The following AGBL4 variants were observed in gnomAD, a reference collection of about 807,000 sequenced individuals.
AGBL4 encodes the protein cytosolic carboxypeptidase 6.
AGBL4 carries 58 observed loss-of-function variants against 66.4 expected under a neutral mutation model. The ratio of observed to expected loss-of-function variants is 0.87; its 90% CI spans 0.71 to 1.09. AGBL4 has a LOEUF of 1.09. Ranked by LOEUF, AGBL4 falls within the 50% of genes least tolerant of loss-of-function variation. AGBL4 has a pLI of 0.00. For synonymous variants in AGBL4, 234 were observed against 222.9 expected (o/e 1.05, Z -0.44); for missense variants, 579 against 631.0 (o/e 0.92, Z 0.88).
chr1:49,970,735 A>ACACG (rs1658003152), intron 1 of AGBL4, among the ~76,000 whole-genome samples: 1 of 123,650 alleles, frequency 8.1e-6, no homozygotes, highest in Non-Finnish European at 1.7e-5. Flanking sequence ...ACACACACAC[A>ACACG]CACACACACA....
chr1:49,793,408 T>G (rs1644651689), intron 2 of AGBL4, among the ~76,000 whole-genome samples: 1 of 152,040 alleles, frequency 6.6e-6, no homozygotes, highest in Non-Finnish European at 1.5e-5. Context: ...ACCAGGGTAC[T>G]CACTTGCTTC....
intron 3 of AGBL4, among the ~76,000 whole-genome samples, chr1:49,602,918 C>A (rs1361827443): frequency 6.6e-6 from 1 of 151,988 alleles, no homozygotes; most frequent in Non-Finnish European, 1.5e-5. Context: ...GAGTACCAAA[C>A]GAGGATCACG....
chr1:48,714,318 A>G (rs1177394919), intron 6 of AGBL4, among the ~76,000 whole-genome samples: 1 of 152,126 alleles, frequency 6.6e-6, no homozygotes, highest in Admixed American at 6.5e-5. Flanking sequence ...GTGCCACCCC[A>G]GGGAGGACAA....
At chr1:48,609,920 T>G (rs1341998278) in intron 9 of AGBL4, among the ~76,000 whole-genome samples, 1 of 152,156 alleles carries the variant, frequency 6.6e-6, no homozygotes, top group Non-Finnish European at 1.5e-5. Context: ...CTCTTCTTTA[T>G]TATAAGAGCC....
chr1:48,867,046 A>C, intron 6 of AGBL4, 145 bp downstream of exon 6: 1 of 901,908 alleles, frequency 1.1e-6, no homozygotes, highest in African/African-American at 1.6e-5. Flanking sequence ...AGGGTAGGGG[A>C]GGAGAAGAAT....
At chr1:48,969,837 A>G (rs1658763922) in intron 5 of AGBL4, among the ~76,000 whole-genome samples, 1 of 152,216 alleles carries the variant, frequency 6.6e-6, no homozygotes, top group African/African-American at 2.4e-5. Flanking sequence ...TTCAATTAAA[A>G]GATGCATGTA....
At chr1:50,009,220 A>G (rs1661350666) in intron 1 of AGBL4, among the ~76,000 whole-genome samples, 1 of 152,210 alleles carries the variant, frequency 6.6e-6, no homozygotes, top group Admixed American at 6.5e-5. Context: ...AAAACACTAC[A>G]GGCCAATATC....
intron 3 of AGBL4, among the ~76,000 whole-genome samples, chr1:49,553,708 C>A (rs966510347): frequency 6.6e-6 from 1 of 152,062 alleles, no homozygotes; most frequent in East Asian, 1.9e-4. Flanking sequence ...ATACTCTGTA[C>A]TATAAAAGTA....
At chr1:49,335,769 C>A (rs575644761) in intron 3 of AGBL4, among the ~76,000 whole-genome samples, 3 of 152,080 alleles carry the variant, frequency 2.0e-5, no homozygotes, top group African/African-American at 4.8e-5. Flanking sequence ...CCCACCTTGG[C>A]CCCCCAAAAT....
At chr1:49,134,475 G>GCCCCCCCCCCCCCCCCCCCC (rs57286157) in intron 4 of AGBL4, among the ~76,000 whole-genome samples, 1 of 112,700 alleles carries the variant, frequency 8.9e-6, no homozygotes, top group African/African-American at 3.3e-5. Context: ...ATTTTGGAGG[G>GCCCCCCCCCCCCCCCCCCCC]CCCCCCCCCC....
intron 3 of AGBL4, among the ~76,000 whole-genome samples, chr1:49,432,571 T>G (rs1353765281): frequency 6.6e-6 from 1 of 152,174 alleles, no homozygotes; most frequent in Non-Finnish European, 1.5e-5. Context: ...TTTTATAAAA[T>G]AGAATCATAT....
chr1:49,844,961 T>C, intron 2 of AGBL4: 2 of 1,368,652 alleles, frequency 1.5e-6, no homozygotes, highest in Non-Finnish European at 2.1e-6. Flanking sequence ...CCTGATTTCC[T>C]ACATCAACCA....
chr1:48,624,224 A>C (rs965793413), intron 9 of AGBL4, among the ~76,000 whole-genome samples: 1 of 152,166 alleles, frequency 6.6e-6, no homozygotes, highest in African/African-American at 2.4e-5. Flanking sequence ...ATATGAAGGA[A>C]AGATTAGTTA....
chr1:49,245,662 AT>A, intron 4 of AGBL4, 107 bp downstream of exon 4: 1 of 734,262 alleles, frequency 1.4e-6, no homozygotes. Flanking sequence ...TCTTTTAAAA[AT>A]TTTTATTTTT....
chr1:48,541,862 T>C (rs1644077291), intron 11 of AGBL4, among the ~76,000 whole-genome samples: 1 of 152,230 alleles, frequency 6.6e-6, no homozygotes, highest in African/African-American at 2.4e-5. Context: ...TTATATATAC[T>C]TTAAGTTCTG....
At chr1:48,768,970 G>A (rs930437794) in intron 6 of AGBL4, among the ~76,000 whole-genome samples, 2 of 152,174 alleles carry the variant, frequency 1.3e-5, no homozygotes, top group Non-Finnish European at 2.9e-5. Flanking sequence ...ACAAAAAAAA[G>A]AGTGCCCTGC....
intron 2 of AGBL4, among the ~76,000 whole-genome samples, chr1:49,818,187 C>T (rs1265592146): frequency 1.3e-5 from 2 of 151,844 alleles, no homozygotes; most frequent in South Asian, 2.1e-4. Flanking sequence ...ACTTAATATC[C>T]ACATAAGACA....
chr1:49,325,014 C>CAA (rs1390283012), intron 3 of AGBL4, among the ~76,000 whole-genome samples: 2 of 152,110 alleles, frequency 1.3e-5, no homozygotes, highest in Non-Finnish European at 2.9e-5. Context: ...AATATATCAG[C>CAA]ACTCTTTCAC....
At chr1:49,003,446 A>C (rs940355565) in intron 5 of AGBL4, among the ~76,000 whole-genome samples, 3 of 152,166 alleles carry the variant, frequency 2.0e-5, no homozygotes, top group African/African-American at 7.2e-5. Context: ...ATAAAATAAA[A>C]ATAAAGTTCA....
Sources: allele counts gnomAD v4.1 joint callset (sites outside exome capture counted in the v4.1 genomes callset), GRCh38; gene constraint gnomAD v4.1.1; transcripts MANE v1.5; gene names NCBI Gene and HGNC (gene_info 2026-07-23, HGNC 2026-07-21).